Variants in NHSL2 observed in about 807,000 individuals in gnomAD.
The protein encoded by NHSL2 is NHS-like protein 2.
In NHSL2, 27 loss-of-function variants were observed where a neutral mutation model predicts 53.4. That is an observed-to-expected ratio of 0.51 (90% CI 0.37 to 0.70). The LOEUF is 0.70. Ranked by LOEUF, NHSL2 falls within the 30% of genes least tolerant of loss-of-function variation. The pLI is 0.00. For missense variants in NHSL2, 892 were observed against 980.1 expected (o/e 0.91, Z 1.20); for synonymous variants, 408 against 404.1 (o/e 1.01, Z -0.12).
In NHSL2 at chrX:72,140,258, A is replaced by C; in HGVS notation, c.2710A>C (p.Met904Leu). 8.3e-7 allele frequency: 1 copy of C among 1,210,345 alleles called. No individual in the cohort carries two copies. Among genetic ancestry groups the C allele is most frequent in the African/African-American group, 1.7e-5 (1 of 57,663 alleles). Reference protein sequence around the residue: ...EYALTSPTLAMPPRSSIQHAR... With the variant: ...EYALTSPTLALPPRSSIQHAR... ...TGCACTAACTTCACCAACCTTGGCT[A>C]TGCCCCCCAGGAGCTCAATTCAACA... is the stretch of plus-strand genomic sequence containing the variant. Residue 904 changes from methionine (M) to leucine (L), a missense_variant, in exon 6 of 8, where the codon ATG (methionine) becomes CTG (leucine). Physicochemically the swap from Met to Leu is conservative, Grantham distance 15 (BLOSUM62 2). Coordinates refer to ENST00000633930, the MANE Select transcript of NHSL2 (RefSeq NM_001013627.3).
At chrX:72,130,130 C>A in intron 1 of NHSL2, 1 of 1,210,908 alleles carries the variant, frequency 8.3e-7, no homozygotes, top group Non-Finnish European at 1.1e-6. Context: ...AAGGTCGGCT[C>A]CATCTCCATC....
At chrX:72,089,129 T>A (rs1175946883) in intron 1 of NHSL2, among the ~76,000 whole-genome samples, 1 of 111,286 alleles carries the variant, frequency 9.0e-6, no homozygotes, top group Non-Finnish European at 1.9e-5. Context: ...TAGATCACTT[T>A]CTACTTGTGT....
intron 1 of NHSL2, among the ~76,000 whole-genome samples, chrX:71,929,071 A>G (rs1018447492): frequency 1.8e-5 from 2 of 111,716 alleles, no homozygotes; most frequent in Admixed American, 9.5e-5. Context: ...AGGCAGTTTT[A>G]CAGGGCAAGC....
At chrX:72,000,793 A>G (rs1414466124) in intron 1 of NHSL2, among the ~76,000 whole-genome samples, 2 of 112,138 alleles carry the variant, frequency 1.8e-5, no homozygotes, top group Non-Finnish European at 1.9e-5. Context: ...GCCCACCCAG[A>G]TGAGATGGGC....
In NHSL2 at chrX:72,140,245, A is replaced by G; in HGVS notation, c.2697A>G (p.Ser899=). The change falls in exon 6 of 8, where the codon TCA becomes TCG. Residue 899 remains serine, a synonymous_variant. Coordinates refer to ENST00000633930, the MANE Select transcript of NHSL2 (RefSeq NM_001013627.3). ...PSVPEEYALT[S]PTLAMPPRSS... is the part of the protein sequence containing the mutation. ...TTCCTGAGGAGTATGCACTAACTTC[A>G]CCAACCTTGGCTATGCCCCCCAGGA... is the stretch of plus-strand genomic sequence containing the variant. 8.3e-7 allele frequency: 1 copy of G among 1,210,349 alleles called. No individual in the cohort carries two copies. Among genetic ancestry groups the G allele is most frequent in the East Asian group, 3.0e-5 (1 of 33,806 alleles).
At chrX:71,938,285 C>G (rs1358970636) in intron 1 of NHSL2, among the ~76,000 whole-genome samples, 2 of 112,098 alleles carry the variant, frequency 1.8e-5, no homozygotes, top group Non-Finnish European at 1.9e-5. Flanking sequence ...TTAAGGCAGC[C>G]TGCCCCATTA....
intron 1 of NHSL2, among the ~76,000 whole-genome samples, chrX:72,115,438 G>A (rs891271686): frequency 1.4e-4 from 12 of 87,371 alleles, no homozygotes; most frequent in South Asian, 1.8e-3. Context: ...GGGCGGGGGG[G>A]GGGTGCGGGG....
chrX:72,087,346 G>A (rs1252199791), intron 1 of NHSL2, among the ~76,000 whole-genome samples: 2 of 111,965 alleles, frequency 1.8e-5, no homozygotes, highest in African/African-American at 3.2e-5. Flanking sequence ...AAGTTACCAG[G>A]GCCTAGGAGA....
At chrX:71,989,468 G>T (rs2042018090) in intron 1 of NHSL2, among the ~76,000 whole-genome samples, 2 of 111,221 alleles carry the variant, frequency 1.8e-5, no homozygotes, top group Non-Finnish European at 3.8e-5. Context: ...CGTAGTCCTG[G>T]GAGGGAAATA....
In NHSL2 at chrX:72,144,527, G is replaced by A; in HGVS notation, c.*953G>A. 1 of 1,024,868 alleles carries A rather than the reference G, an allele frequency of 9.8e-7. No homozygotes were observed. The allele number at this position is 1,024,868 out of a possible 1,213,427, so 84.5% of individuals were successfully genotyped here. A position where few individuals can be genotyped will look rare whatever the true frequency, so the allele number is the denominator to read the frequency against. On this transcript the variant is annotated 3_prime_UTR_variant, in exon 8 of 8. Coordinates refer to ENST00000633930, the MANE Select transcript of NHSL2 (RefSeq NM_001013627.3). Reference sequence around the variant, plus strand: ...AGGAACAGCATCATCAAAGGCTCAAGGATAATGGAAAGTAAGTGCATCTTG... The same window carrying A: ...AGGAACAGCATCATCAAAGGCTCAAAGATAATGGAAAGTAAGTGCATCTTG...
At chrX:71,939,401 T>G (rs770540124) in intron 1 of NHSL2, among the ~76,000 whole-genome samples, 4 of 112,163 alleles carry the variant, frequency 3.6e-5, no homozygotes, top group African/African-American at 1.3e-4. Context: ...GTTGTGACAT[T>G]GGAGGCTGGG....
At chrX:71,921,709 A>G (rs1602260074) in intron 1 of NHSL2, among the ~76,000 whole-genome samples, 1 of 111,676 alleles carries the variant, frequency 9.0e-6, no homozygotes, top group Non-Finnish European at 1.9e-5. Context: ...TAACGACTCC[A>G]CTATGCACGA....
intron 1 of NHSL2, among the ~76,000 whole-genome samples, chrX:71,977,759 G>A (rs944143409): frequency 8.9e-6 from 1 of 111,868 alleles, no homozygotes; most frequent in Non-Finnish European, 1.9e-5. Flanking sequence ...GACCATGGCC[G>A]CACCTTCTAT....
intron 1 of NHSL2, among the ~76,000 whole-genome samples, chrX:72,066,634 G>A (rs1190888486): frequency 8.1e-5 from 9 of 111,767 alleles, no homozygotes; most frequent in African/African-American, 2.9e-4. Flanking sequence ...GAGGGGTTCC[G>A]CGTCTGCTCT....
intron 1 of NHSL2, among the ~76,000 whole-genome samples, chrX:72,052,643 C>T (rs1305626208): frequency 8.9e-6 from 1 of 111,974 alleles, no homozygotes; most frequent in Non-Finnish European, 1.9e-5. Context: ...ATGTCCCTCT[C>T]ATTCCTCCAG....
At chrX:72,136,957 A>G (rs1047055400) in intron 4 of NHSL2, 137 bp from the exon 5 acceptor site, 1 of 526,030 alleles carries the variant, frequency 1.9e-6, no homozygotes, top group Admixed American at 3.9e-5. Flanking sequence ...GTTGGGAAGG[A>G]TGAGGAAGAA....
intron 1 of NHSL2, among the ~76,000 whole-genome samples, chrX:71,974,569 A>T (rs1032891791): frequency 7.1e-5 from 8 of 112,005 alleles, no homozygotes; most frequent in African/African-American, 2.6e-4. Context: ...TATGGTTTTG[A>T]TATTTCTTTC....
At chrX:72,077,108 G>A (rs187343877) in intron 1 of NHSL2, among the ~76,000 whole-genome samples, 105 of 110,554 alleles carry the variant, frequency 9.5e-4, no homozygotes, top group African/African-American at 3.1e-3. Flanking sequence ...TCCCCTCCCC[G>A]ATGCCACACA....
chrX:71,955,133 C>T (rs765379346), intron 1 of NHSL2, among the ~76,000 whole-genome samples: 2 of 111,682 alleles, frequency 1.8e-5, no homozygotes, highest in African/African-American at 3.3e-5. Context: ...TAAGCAACTT[C>T]GTGAAGTAGG....
Sources: allele counts gnomAD v4.1 joint callset (sites outside exome capture counted in the v4.1 genomes callset), GRCh38; gene constraint gnomAD v4.1.1; transcripts MANE v1.5; gene names NCBI Gene and HGNC (gene_info 2026-07-23, HGNC 2026-07-21).